The following MKLN1 variants were observed in gnomAD, a reference collection of about 807,000 sequenced individuals.
MKLN1 encodes the protein muskelin.
A neutral mutation model predicts 99.0 loss-of-function variants in MKLN1; 18 were observed. That is an observed-to-expected ratio of 0.18 (90% CI 0.13 to 0.27). The LOEUF is 0.27. Ranked by LOEUF, MKLN1 falls within the 10% of genes least tolerant of loss-of-function variation. The pLI is 1.00. For missense variants in MKLN1, 621 were observed against 875.9 expected, an observed-to-expected ratio of 0.71 and a Z score of 3.67; for synonymous variants, 288 against 293.2, an observed-to-expected ratio of 0.98 and a Z score of 0.18.
At chr7:131,139,409 C>T (rs1441883601) in intron 1 of MKLN1, among the ~76,000 whole-genome samples, 1 of 152,120 alleles carries the variant, frequency 6.6e-6, no homozygotes, top group East Asian at 1.9e-4. Flanking sequence ...CCTTCGCTCC[C>T]CAGGGCCAAC....
At chr7:131,443,794 A>G in intron 11 of MKLN1, 92 bp downstream of exon 11, 3 of 990,162 alleles carry the variant, frequency 3.0e-6, no homozygotes, top group Non-Finnish European at 3.2e-6. Flanking sequence ...TTAGGAAGAG[A>G]TTAGTGTAGC....
intron 2 of MKLN1, among the ~76,000 whole-genome samples, chr7:131,178,261 C>G (rs1278107668): frequency 7.0e-6 from 1 of 142,234 alleles, no homozygotes; most frequent in East Asian, 2.2e-4. Flanking sequence ...CGATTACAGG[C>G]GCCTGCCACA....
At chr7:131,127,577 C>T (rs1795484030) in intron 1 of MKLN1, among the ~76,000 whole-genome samples, 1 of 152,124 alleles carries the variant, frequency 6.6e-6, no homozygotes, top group Non-Finnish European at 1.5e-5. Context: ...TCAGGCATGG[C>T]CAAGATGCAA....
intron 3 of MKLN1, among the ~76,000 whole-genome samples, chr7:131,228,340 A>G (rs1239558506): frequency 1.3e-5 from 2 of 152,174 alleles, no homozygotes; most frequent in African/African-American, 2.4e-5. Flanking sequence ...CTTGAGCTCA[A>G]GATCTGGGCT....
intron 3 of MKLN1, among the ~76,000 whole-genome samples, chr7:131,296,370 G>GATAT (rs1798291612): frequency 6.6e-6 from 1 of 152,086 alleles, no homozygotes; most frequent in African/African-American, 2.4e-5. Context: ...GGTATAGGAT[G>GATAT]ATATATATTA....
At chr7:131,237,090 T>C (rs1584858003) in intron 3 of MKLN1, among the ~76,000 whole-genome samples, 2 of 152,352 alleles carry the variant, frequency 1.3e-5, no homozygotes, top group African/African-American at 4.8e-5. Context: ...TGCCTATGCC[T>C]GATTTTCTCT....
At chr7:131,184,290 T>A (rs1281484162) in intron 2 of MKLN1, among the ~76,000 whole-genome samples, 1 of 152,102 alleles carries the variant, frequency 6.6e-6, no homozygotes, top group African/African-American at 2.4e-5. Context: ...GTGCCTGGCT[T>A]TATTTTCTAA....
intron 3 of MKLN1, among the ~76,000 whole-genome samples, chr7:131,212,480 T>G (rs575151537): frequency 2.6e-5 from 4 of 152,348 alleles, no homozygotes; most frequent in African/African-American, 7.2e-5. Flanking sequence ...AAACACTGAC[T>G]CCTTCCAGCA....
intron 1 of MKLN1, among the ~76,000 whole-genome samples, chr7:131,329,734 A>G (rs1235673156): frequency 6.6e-6 from 1 of 152,208 alleles, no homozygotes; most frequent in Non-Finnish European, 1.5e-5. Flanking sequence ...GAAATGATTT[A>G]GTGGGATGGC....
chr7:131,438,649 A>G (rs973482700), intron 10 of MKLN1, among the ~76,000 whole-genome samples: 4 of 151,890 alleles, frequency 2.6e-5, no homozygotes, highest in African/African-American at 7.3e-5. Flanking sequence ...TACAAATTCA[A>G]TGTAGGTCAA....
At chr7:131,373,883 G>A (rs1426717647) in intron 1 of MKLN1, among the ~76,000 whole-genome samples, 1 of 152,104 alleles carries the variant, frequency 6.6e-6, no homozygotes, top group Admixed American at 6.5e-5. Flanking sequence ...TAGTTGTCAT[G>A]TTTATTACTC....
intron 3 of MKLN1, among the ~76,000 whole-genome samples, chr7:131,254,279 A>G (rs921762161): frequency 2.0e-5 from 3 of 152,248 alleles, no homozygotes; most frequent in African/African-American, 7.2e-5. Flanking sequence ...ATCACTAAAG[A>G]AATAAACAAA....
At chr7:131,338,331 A>G (rs549492415) in intron 1 of MKLN1, among the ~76,000 whole-genome samples, 1 of 152,282 alleles carries the variant, frequency 6.6e-6, no homozygotes, top group South Asian at 2.1e-4. Flanking sequence ...CCCTACTCCC[A>G]TGAAATTGCC....
At chr7:131,467,018 TTC>T (rs1796684359) in intron 15 of MKLN1, among the ~76,000 whole-genome samples, 1 of 152,154 alleles carries the variant, frequency 6.6e-6, no homozygotes, top group Non-Finnish European at 1.5e-5. Flanking sequence ...AGAAAAGGAT[TTC>T]TCTCCTTTTG....
At chr7:131,173,337 T>A (rs1796244200) in intron 2 of MKLN1, among the ~76,000 whole-genome samples, 1 of 152,226 alleles carries the variant, frequency 6.6e-6, no homozygotes, top group Admixed American at 6.5e-5. Flanking sequence ...AATGATTGGA[T>A]TCTGGGTGAG....
chr7:131,293,277 A>G (rs1015132780), intron 3 of MKLN1, among the ~76,000 whole-genome samples: 5 of 152,192 alleles, frequency 3.3e-5, no homozygotes, highest in Non-Finnish European at 4.4e-5. Context: ...TGGATGAATG[A>G]ATCAGTCCAG....
chr7:131,151,121 C>T (rs1795883134), intron 2 of MKLN1, among the ~76,000 whole-genome samples: 2 of 152,160 alleles, frequency 1.3e-5, no homozygotes, highest in Admixed American at 1.3e-4. Context: ...CATGGCCTTA[C>T]ATTTATTTCA....
intron 14 of MKLN1, 39 bp from the exon 15 acceptor site, chr7:131,466,237 A>G: frequency 1.3e-6 from 2 of 1,503,196 alleles, no homozygotes; most frequent in Admixed American, 1.8e-5. Context: ...TTGGGTATGC[A>G]TGCATTTTTA....
chr7:131,399,194 C>T (rs373686350), intron 5 of MKLN1, 47 bp from the exon 6 acceptor site: 3 of 1,500,348 alleles, frequency 2.0e-6, no homozygotes, highest in Non-Finnish European at 2.8e-6. Context: ...CCTACAGTAT[C>T]ATCTAACCAA....
Sources: allele counts gnomAD v4.1 joint callset (sites outside exome capture counted in the v4.1 genomes callset), GRCh38; gene constraint gnomAD v4.1.1; transcripts MANE v1.5; gene names NCBI Gene and HGNC (gene_info 2026-07-23, HGNC 2026-07-21).